IL1RAPL2: variants seen among roughly 807,000 people sequenced by gnomAD.
The protein encoded by IL1RAPL2 is X-linked interleukin-1 receptor accessory protein-like 2.
IL1RAPL2 carries 3 observed loss-of-function variants against 44.1 expected under a neutral mutation model. That is an observed-to-expected ratio of 0.07 (90% confidence interval 0.03 to 0.18). The LOEUF is 0.18. Among genes scored for constraint, IL1RAPL2 ranks in the 10% least tolerant of loss-of-function variants. IL1RAPL2 has a pLI of 1.00. For synonymous variants in IL1RAPL2, 181 were observed against 178.8 expected, an observed-to-expected ratio of 1.01 and a Z score of -0.10; for missense variants, 391 against 496.4, an observed-to-expected ratio of 0.79 and a Z score of 2.02.
In IL1RAPL2 at chrX:104,845,460, A is replaced by G. The variant is rs180976277; in HGVS notation, c.82+186465A>G. Reference sequence around the variant, plus strand: ...CAAGTGCCATAGTAAACTATTCAGGAAGGTAAAAGAAGATAAAGATTTTTA... The same window carrying G: ...CAAGTGCCATAGTAAACTATTCAGGGAGGTAAAAGAAGATAAAGATTTTTA... On this transcript the variant is annotated intron_variant, in intron 2 of 10. Transcript: ENST00000372582. 1.7e-4 allele frequency among the ~76,000 whole-genome samples: 19 copies of G among 112,114 alleles called. No homozygotes were observed. The East Asian group carries it at 5.3e-3, about 32-fold the overall frequency.
At chrX:105,597,376 G>A (rs749842049) in intron 6 of IL1RAPL2, among the ~76,000 whole-genome samples, 5 of 111,555 alleles carry the variant, frequency 4.5e-5, no homozygotes, top group Non-Finnish European at 9.4e-5. Flanking sequence ...AAATACCTGA[G>A]ACTAGGTAAT....
At chrX:105,360,219 A>G (rs761791821) in intron 5 of IL1RAPL2, among the ~76,000 whole-genome samples, 16 of 111,729 alleles carry the variant, frequency 1.4e-4, no homozygotes, top group Non-Finnish European at 2.8e-4. Context: ...GGAATACTAT[A>G]TGAGACCAGA....
At chrX:105,029,109 G>A (rs913398919) in intron 2 of IL1RAPL2, among the ~76,000 whole-genome samples, 1 of 108,728 alleles carries the variant, frequency 9.2e-6, no homozygotes, top group African/African-American at 3.3e-5. Context: ...CTTTGTTCAA[G>A]CCCTAGACAC....
intron 2 of IL1RAPL2, among the ~76,000 whole-genome samples, chrX:104,671,235 TCTCAGTCCTATTTTTGTGCCC>T (rs1374131457): frequency 2.7e-5 from 3 of 110,904 alleles, no homozygotes; most frequent in African/African-American, 6.6e-5. Flanking sequence ...GCTCCAGGCT[TCTCAGTCCTATTTTTGTGCCC>T]CTCAGTCCTA....
intron 5 of IL1RAPL2, among the ~76,000 whole-genome samples, chrX:105,369,062 A>C (rs1051915042): frequency 1.8e-5 from 2 of 109,760 alleles, no homozygotes; most frequent in African/African-American, 6.6e-5. Flanking sequence ...TAAAGTTCTC[A>C]ATTTGATCAT....
intron 2 of IL1RAPL2, among the ~76,000 whole-genome samples, chrX:104,829,358 C>A (rs1475455378): frequency 9.0e-6 from 1 of 111,532 alleles, no homozygotes. Context: ...GCAGGGTCAC[C>A]CACGGCTTCC....
intron 6 of IL1RAPL2, among the ~76,000 whole-genome samples, chrX:105,661,575 C>A (rs1243102625): frequency 8.9e-6 from 1 of 112,239 alleles, no homozygotes; most frequent in East Asian, 2.8e-4. Context: ...TATTCAGAAT[C>A]TTTTCTGACC....
At position 105,747,557 on chromosome X, in the gene IL1RAPL2, T is replaced by C. The variant is rs6622004; in HGVS notation, c.1049-1403T>C. On this transcript the variant is annotated intron_variant, in intron 8 of 10. Transcript: ENST00000372582. ...ATATACACACACACACACACATATATACACACATATATACACACATATATA... is the reference window on the plus strand; with the variant it reads ...ATATACACACACACACACACATATACACACACATATATACACACATATATA... Among the ~76,000 whole-genome samples the C allele has an allele frequency of 1.7e-4, 17 of 99,287 alleles. No individual in the cohort carries two copies. In the East Asian group the frequency reaches 5.3e-3, roughly 31 times the overall value. The allele number at this position is 99,287 out of a possible 115,157, so 86.2% of individuals were successfully genotyped here. A position where few individuals can be genotyped will look rare whatever the true frequency, so the allele number is the denominator to read the frequency against.
intron 1 of IL1RAPL2, among the ~76,000 whole-genome samples, chrX:104,657,562 G>A (rs765623611): frequency 9.0e-6 from 1 of 111,477 alleles, no homozygotes; most frequent in African/African-American, 3.3e-5. Flanking sequence ...CACAGGCATG[G>A]GCAAGGACTT....
chrX:105,546,580 G>A (rs2036802249), intron 6 of IL1RAPL2, among the ~76,000 whole-genome samples: 1 of 110,752 alleles, frequency 9.0e-6, no homozygotes, highest in African/African-American at 3.3e-5. Context: ...GAATTGGGTG[G>A]GCATAATGGG....
chrX:105,670,105 G>GTATATATATATATA (rs1171872748), intron 6 of IL1RAPL2, among the ~76,000 whole-genome samples: 184 of 11,660 alleles, frequency 0.016, 13 homozygotes, highest in Non-Finnish European at 0.022. Flanking sequence ...TGGGTTTCCT[G>GTATATATATATATA]TATATATATA....
At chrX:104,759,552 ATTG>A (rs1408938568) in intron 2 of IL1RAPL2, among the ~76,000 whole-genome samples, 5 of 111,176 alleles carry the variant, frequency 4.5e-5, no homozygotes, top group African/African-American at 1.3e-4. Flanking sequence ...TCTCATTATT[ATTG>A]TTGTTGTTAT....
At chrX:105,140,758 A>G (rs2033119122) in intron 2 of IL1RAPL2, among the ~76,000 whole-genome samples, 1 of 112,792 alleles carries the variant, frequency 8.9e-6, no homozygotes, top group Non-Finnish European at 1.9e-5. Context: ...GGGTTGTAAT[A>G]TAAAATTATG....
Position 105,026,771 on chromosome X carries a change from A to C in IL1RAPL2, c.83-168704A>C, listed in dbSNP as rs1431412797. 5.4e-5 allele frequency among the ~76,000 whole-genome samples: 6 copies of C among 110,959 alleles called. No individual in the cohort carries two copies. In the East Asian group the frequency reaches 1.4e-3, roughly 26 times the overall value. On this transcript the variant is annotated intron_variant, in intron 2 of 10. Transcript: ENST00000372582. ...TTAAAATGTTTATACTACCCAAAGC[A>C]ATATACAGATTAAATGCAACCCCTA...
At chrX:104,820,540 C>T (rs1313296497) in intron 2 of IL1RAPL2, among the ~76,000 whole-genome samples, 1 of 111,745 alleles carries the variant, frequency 8.9e-6, no homozygotes, top group Non-Finnish European at 1.9e-5. Context: ...TTGAGCCTTG[C>T]CTCCATGCTA....
chrX:104,812,826 G>A (rs373889677), intron 2 of IL1RAPL2, among the ~76,000 whole-genome samples: 1 of 111,053 alleles, frequency 9.0e-6, no homozygotes, highest in South Asian at 3.8e-4. Context: ...GTCCTGCCTC[G>A]GGAGGGAGGG....
intron 2 of IL1RAPL2, among the ~76,000 whole-genome samples, chrX:104,727,250 A>G (rs1042335598): frequency 2.7e-5 from 3 of 111,209 alleles, no homozygotes; most frequent in Non-Finnish European, 5.7e-5. Context: ...TAACAACAAC[A>G]AAAACAGCCC....
At chrX:105,189,220 T>A (rs782021234) in intron 2 of IL1RAPL2, among the ~76,000 whole-genome samples, 2 of 112,332 alleles carry the variant, frequency 1.8e-5, no homozygotes, top group South Asian at 3.7e-4. Context: ...TGAATTTTAT[T>A]TATTTATTTA....
At chrX:104,992,433 T>A (rs1440613436) in intron 2 of IL1RAPL2, among the ~76,000 whole-genome samples, 1 of 111,443 alleles carries the variant, frequency 9.0e-6, no homozygotes, top group Non-Finnish European at 1.9e-5. Context: ...CTCTTCAGAA[T>A]TTTTTAGAAG....
Sources: gnomAD v4.1 joint callset for allele counts (sites outside exome capture counted in the v4.1 genomes callset) on GRCh38, gnomAD v4.1.1 for gene constraint, MANE v1.5 for transcripts, NCBI Gene and HGNC (gene_info 2026-07-23, HGNC 2026-07-21) for gene names.